The following GLIS3 variants were observed in gnomAD, a reference collection of about 807,000 sequenced individuals.
GLIS3 encodes the protein GLIS family zinc finger 3, also known as zinc finger protein GLIS3.
In GLIS3, 53 loss-of-function variants were observed where a neutral mutation model predicts 78.6. The ratio of observed to expected loss-of-function variants is 0.67; its 90% CI spans 0.54 to 0.85. GLIS3 has a LOEUF of 0.85. GLIS3 is among the 40% of genes least tolerant of loss of function. The pLI is 0.00. For synonymous variants in GLIS3, 684 were observed against 509.9 expected (o/e 1.34, Z -4.60); for missense variants, 1,703 against 1,231.1 (o/e 1.38, Z -5.74).
At chr9:4,367,393 A>G in the GLIS3 span, among the ~76,000 whole-genome samples, 1 of 152,096 alleles carries the variant, frequency 6.6e-6, no homozygotes, top group Non-Finnish European at 1.5e-5. Context: ...CAAGTGAAAC[A>G]CCATCACCTT....
chr9:4,026,171 G>T (rs622773), intron 4 of GLIS3, among the ~76,000 whole-genome samples: 23,899 of 152,158 alleles, frequency 0.16, 4,583 homozygotes, highest in African/African-American at 0.46. Context: ...TTCAATCAAA[G>T]AGGCCCTCAA....
chr9:4,413,559 C>T, the GLIS3 span, among the ~76,000 whole-genome samples: 2 of 152,098 alleles, frequency 1.3e-5, no homozygotes, highest in East Asian at 1.9e-4. Flanking sequence ...GTATATCCTG[C>T]TTGTGGGTAA....
chr9:4,196,815 T>C (rs1489259490), intron 2 of GLIS3, among the ~76,000 whole-genome samples: 3 of 152,152 alleles, frequency 2.0e-5, no homozygotes, highest in Non-Finnish European at 2.9e-5. Context: ...CTACAGTTTC[T>C]ACCACACAAT....
chr9:4,329,416 C>G (rs1817650690), intron 2 of GLIS3, among the ~76,000 whole-genome samples: 1 of 151,956 alleles, frequency 6.6e-6, no homozygotes, highest in Admixed American at 6.5e-5. Context: ...AAAGATACCT[C>G]CAAATGATAA....
the GLIS3 span, among the ~76,000 whole-genome samples, chr9:4,448,061 C>G: frequency 3.3e-5 from 5 of 152,176 alleles, no homozygotes; most frequent in African/African-American, 1.2e-4. Context: ...CTGTTTCTAT[C>G]TGTACTCTGA....
At chr9:4,448,770 G>A in the GLIS3 span, among the ~76,000 whole-genome samples, 1 of 152,178 alleles carries the variant, frequency 6.6e-6, no homozygotes, top group African/African-American at 2.4e-5. Flanking sequence ...CCAGTAGCCT[G>A]GAAGGCTATG....
intron 2 of GLIS3, among the ~76,000 whole-genome samples, chr9:4,217,726 T>C (rs1820980796): frequency 6.6e-6 from 1 of 152,212 alleles, no homozygotes; most frequent in Non-Finnish European, 1.5e-5. Context: ...GGTCTCTTAA[T>C]AAGTAAGCCG....
At chr9:4,459,567 C>A in the GLIS3 span, among the ~76,000 whole-genome samples, 7 of 152,192 alleles carry the variant, frequency 4.6e-5, no homozygotes, top group African/African-American at 1.7e-4. Flanking sequence ...AGCTCGTGAC[C>A]AGACTGGGCA....
chr9:4,050,252 G>T (rs1415726177), intron 4 of GLIS3, among the ~76,000 whole-genome samples: 2 of 152,172 alleles, frequency 1.3e-5, no homozygotes, highest in Admixed American at 6.5e-5. Context: ...ATACCCCATG[G>T]AATACTATGC....
chr9:4,321,340 T>G lies in GLIS3; in HGVS notation n.265-10812A>C, dbSNP rs568177332. ...GGGAGGCTGAGGCAGGAGAATGGCGTGAACCCAGGAGGCGGAGCTTGCAGG... is the reference window on the plus strand; with the variant it reads ...GGGAGGCTGAGGCAGGAGAATGGCGGGAACCCAGGAGGCGGAGCTTGCAGG... On this transcript the variant is annotated intron_variant and non_coding_transcript_variant, in intron 2 of 4. Transcript: ENST00000471664. 8.3e-4 allele frequency among the ~76,000 whole-genome samples: 100 copies of G among 120,552 alleles called. 15 individuals are homozygous for G. The South Asian group carries it at 0.018, about 21-fold the overall frequency. The allele number at this position is 120,552 out of a possible 152,430, so 79.1% of individuals were successfully genotyped here. A position where few individuals can be genotyped will look rare whatever the true frequency, so the allele number is the denominator to read the frequency against.
At chr9:4,258,926 T>A (rs952291868) in intron 2 of GLIS3, among the ~76,000 whole-genome samples, 1 of 152,178 alleles carries the variant, frequency 6.6e-6, no homozygotes, top group Non-Finnish European at 1.5e-5. Flanking sequence ...TTTCCAATCG[T>A]ATTTATAAAC....
chr9:4,169,015 T>A (rs1009330197), intron 2 of GLIS3, among the ~76,000 whole-genome samples: 36 of 152,250 alleles, frequency 2.4e-4, no homozygotes, highest in African/African-American at 8.2e-4. Context: ...AGTATTTGGA[T>A]ATTTTTTCCT....
intron 2 of GLIS3, among the ~76,000 whole-genome samples, chr9:4,273,416 G>A (rs1290754681): frequency 6.6e-6 from 1 of 151,938 alleles, no homozygotes; most frequent in Admixed American, 6.6e-5. Context: ...AAAACACAGG[G>A]AGACCCCATC....
intron 6 of GLIS3, among the ~76,000 whole-genome samples, chr9:3,904,976 C>CT (rs751912495): frequency 0.044 from 6,076 of 139,344 alleles, 435 homozygotes; most frequent in African/African-American, 0.14. Flanking sequence ...TCTTATGACT[C>CT]TTTTTTTTTT....
chr9:4,435,904 G>C, the GLIS3 span, among the ~76,000 whole-genome samples: 2 of 152,112 alleles, frequency 1.3e-5, no homozygotes, highest in African/African-American at 2.4e-5. Flanking sequence ...AGCCAAGATC[G>C]TGCCACTGCA....
chr9:4,256,778 A>G (rs896059164), intron 2 of GLIS3, among the ~76,000 whole-genome samples: 1 of 141,916 alleles, frequency 7.0e-6, no homozygotes, highest in African/African-American at 2.6e-5. Context: ...CACATTCACA[A>G]AAGAGTACGG....
At chr9:4,472,257 G>A in the GLIS3 span, among the ~76,000 whole-genome samples, 2 of 152,158 alleles carry the variant, frequency 1.3e-5, no homozygotes, top group African/African-American at 2.4e-5. Flanking sequence ...CCATTACTGG[G>A]TACATACCCA....
the GLIS3 span, among the ~76,000 whole-genome samples, chr9:4,384,996 C>T: frequency 9.4e-4 from 143 of 152,300 alleles, no homozygotes; most frequent in Middle Eastern, 6.8e-3. Context: ...CCAACAGAGG[C>T]GCAGAAACCA....
At chr9:4,198,507 A>C (rs563188337) in intron 2 of GLIS3, among the ~76,000 whole-genome samples, 3 of 152,292 alleles carry the variant, frequency 2.0e-5, no homozygotes, top group East Asian at 3.9e-4. Flanking sequence ...CACAAAACTA[A>C]AGAAAAAAAG....
Sources: allele counts gnomAD v4.1 joint callset (sites outside exome capture counted in the v4.1 genomes callset), GRCh38; gene constraint gnomAD v4.1.1; transcripts MANE v1.5; gene names NCBI Gene and HGNC (gene_info 2026-07-23, HGNC 2026-07-21).